The following FBXL19 variants were observed in gnomAD, a reference collection of about 807,000 sequenced individuals.
FBXL19 encodes F-box/LRR-repeat protein 19.
Under a neutral mutation model 71.2 loss-of-function variants are expected in FBXL19, and 16 were observed. That is an observed-to-expected ratio of 0.22 (90% CI 0.15 to 0.34). The LOEUF is 0.34. Ranked by LOEUF, FBXL19 falls within the 10% of genes least tolerant of loss-of-function variation. The probability of loss-of-function intolerance (pLI) is 1.00; values close to 1 mark genes in which losing one functional copy is unlikely to be tolerated. For synonymous variants in FBXL19, 447 were observed against 409.4 expected (o/e 1.09, Z -1.11); for missense variants, 658 against 968.2 (o/e 0.68, Z 4.25).
Position 30,947,775 on chromosome 16 carries a change from G to A in FBXL19, c.*545G>A, listed in dbSNP as rs1363870852. 1 of 411,368 alleles carries A rather than the reference G, an allele frequency of 2.4e-6. No individual in the cohort carries two copies. The highest frequency in any genetic ancestry group is 2.1e-5 in the African/African-American group (1 of 47,604). 25.5% of individuals were successfully genotyped at this position (411,368 alleles called of 1,614,324 possible). A position where few individuals can be genotyped will look rare whatever the true frequency, so the allele number is the denominator to read the frequency against. ...AGGGGCAAGCTGGGGCTGAGCTGGAGGTGGGGATGAGAGCAGGTGTGGGGA... is the reference window on the plus strand; with the variant it reads ...AGGGGCAAGCTGGGGCTGAGCTGGAAGTGGGGATGAGAGCAGGTGTGGGGA... On this transcript the variant is annotated 3_prime_UTR_variant, in exon 11 of 11. Transcript: ENST00000338343.
chr16:30,927,912 C>G lies in FBXL19; in HGVS notation c.576C>G (p.Pro192=), dbSNP rs199881118. Residue 192 remains proline, a synonymous_variant, in exon 5 of 11, where the codon CCC becomes CCG. Transcript: ENST00000338343. ...GPPPEDVPGP[P]KRKEREAGNE... The stretch of plus-strand genomic sequence containing the variant: ...CCCCGGAGGACGTGCCTGGGCCCCC[C>G]AAACGAAAGGAAAGGGAGGCAGGGA... The G allele has an allele frequency of 2.6e-6, 4 of 1,544,456 alleles. No homozygotes were observed. The highest frequency in any genetic ancestry group is 3.5e-6 in the Non-Finnish European group (4 of 1,153,052).
chr16:30,947,124 G>A lies in FBXL19; in HGVS notation c.1919G>A (p.Arg640His). ...CCTCGTCTACGCCGCCTAGACCTGC[G>A]CTCCTGCCGCCAGCTCTCACCCGAA... ...RCPRLRRLDLRSCRQLSPEAC... is the reference protein window; with the variant it reads ...RCPRLRRLDLHSCRQLSPEAC... The change falls in exon 11 of 11, where the codon CGC becomes CAC. Residue 640 changes from arginine (R) to histidine (H), a missense_variant. Arg to His is a conservative substitution (Grantham distance 29). Transcript: ENST00000338343. The A allele has an allele frequency of 6.3e-7, 1 of 1,599,450 alleles. No homozygotes were observed.
At chr16:30,932,573 G>C (rs575039254) in intron 7 of FBXL19, among the ~76,000 whole-genome samples, 1 of 152,296 alleles carries the variant, frequency 6.6e-6, no homozygotes, top group South Asian at 2.1e-4. Context: ...TGTGGAGAGC[G>C]ATACCTCTTG....
Position 30,930,210 on chromosome 16 carries a change from C to T in FBXL19, c.927C>T (p.Asp309=). The change falls in exon 7 of 11, where the codon GAC becomes GAT. Residue 309 remains aspartate (D), a synonymous_variant. Coordinates refer to ENST00000338343, the MANE Select transcript of FBXL19 (RefSeq NM_001382779.1). This position sits in a 1 kb window ranked among gnomAD's most constrained non-coding sequence, Gnocchi z 8.5. ...RVPDTSSSSS[D]SDSDSDSSGT... is the part of the protein sequence containing the mutation. The stretch of plus-strand genomic sequence containing the variant: ...CTGACACCTCCTCTTCCTCCTCGGA[C>T]TCAGACTCCGACTCCGACTCTTCGG... 6.2e-7 allele frequency: 1 copy of T among 1,613,176 alleles called. No individual in the cohort carries two copies. Among genetic ancestry groups the T allele is most frequent in the Non-Finnish European group, 8.5e-7 (1 of 1,179,892 alleles).
upstream of FBXL19, chr16:30,922,980 G>C (rs2055539679): frequency 6.7e-6 from 3 of 448,508 alleles, no homozygotes; most frequent in Non-Finnish European, 1.4e-5. Flanking sequence ...AGGAACACTG[G>C]AAGGCTATAA....
At chr16:30,928,747 G>A (rs1248911773) in intron 6 of FBXL19, 119 bp downstream of exon 6, 1 of 752,252 alleles carries the variant, frequency 1.3e-6, no homozygotes, top group African/African-American at 1.9e-5. Flanking sequence ...CTTGGCCACG[G>A]TGGGTGTCCG....
chr16:30,942,202 G>A lies in FBXL19; in HGVS notation c.1388G>A (p.Arg463His), dbSNP rs2055809976. 6.3e-7 allele frequency: 1 copy of A among 1,591,972 alleles called. No individual in the cohort carries two copies. Among genetic ancestry groups the A allele is most frequent in the Non-Finnish European group, 8.6e-7 (1 of 1,169,506 alleles). ...CCCATGCTCAGTGGTGTGGTTCGCC[G>A]CCAGCCCCGTGCCCTGGACCTCAGC... is the stretch of plus-strand genomic sequence containing the variant. ...TPPMLSGVVRRQPRALDLSWT... is the reference protein window; with the variant it reads ...TPPMLSGVVRHQPRALDLSWT... Residue 463 changes from arginine (R) to histidine (H), a missense_variant, in exon 8 of 11, where the codon CGC (arginine) becomes CAC (histidine). Coordinates refer to ENST00000338343, the MANE Select transcript of FBXL19 (RefSeq NM_001382779.1). The surrounding 1 kb of genome is among the most constrained non-coding windows in gnomAD (Gnocchi z 5.7).
chr16:30,931,112 C>A (rs1022046392), intron 7 of FBXL19, among the ~76,000 whole-genome samples: 6 of 152,140 alleles, frequency 3.9e-5, no homozygotes, highest in African/African-American at 1.4e-4. Flanking sequence ...TTCCTGCTTT[C>A]CTTCTGCCCT....
At chr16:30,941,885 C>T (rs1567341647) in intron 7 of FBXL19, among the ~76,000 whole-genome samples, 1 of 152,208 alleles carries the variant, frequency 6.6e-6, no homozygotes, top group South Asian at 2.1e-4. Flanking sequence ...ATAAACGAGG[C>T]TTCTGAGGCT....
At chr16:30,929,205 G>A (rs1227774965) in intron 6 of FBXL19, among the ~76,000 whole-genome samples, 5 of 152,180 alleles carry the variant, frequency 3.3e-5, no homozygotes, top group African/African-American at 1.2e-4. Flanking sequence ...TCCAAATCCT[G>A]CCTCTGCTGT....
chr16:30,928,995 C>T (rs1262298262), intron 6 of FBXL19, among the ~76,000 whole-genome samples: 1 of 152,204 alleles, frequency 6.6e-6, no homozygotes, highest in African/African-American at 2.4e-5. Context: ...CTGCTGCCTG[C>T]CTTGCCCCCT....
At chr16:30,928,068 G>C in intron 5 of FBXL19, 105 bp downstream of exon 5, 2 of 772,284 alleles carry the variant, frequency 2.6e-6, no homozygotes, top group South Asian at 2.0e-5. Flanking sequence ...TGCTCTGTGG[G>C]TTCCCCAAGG....
chr16:30,937,831 G>A (rs1043579516), intron 7 of FBXL19, among the ~76,000 whole-genome samples: 5 of 152,142 alleles, frequency 3.3e-5, no homozygotes, highest in African/African-American at 1.2e-4. Context: ...AGGGAAAGGG[G>A]CTTCCTTCCA....
chr16:30,932,332 T>TA (rs1308719420), intron 7 of FBXL19, among the ~76,000 whole-genome samples: 1 of 152,214 alleles, frequency 6.6e-6, no homozygotes, highest in Admixed American at 6.5e-5. Context: ...AGCAGATAGT[T>TA]ACAGAAGTTG....
At chr16:30,931,893 A>ATTT (rs34106190) in intron 7 of FBXL19, among the ~76,000 whole-genome samples, 3 of 132,254 alleles carry the variant, frequency 2.3e-5, no homozygotes, top group Non-Finnish European at 3.3e-5. Flanking sequence ...CACCCGGCTA[A>ATTT]TTTTTTTTTT....
intron 2 of FBXL19, among the ~76,000 whole-genome samples, chr16:30,926,857 C>T (rs1308394367): frequency 6.6e-6 from 1 of 152,082 alleles, no homozygotes; most frequent in Non-Finnish European, 1.5e-5. Context: ...TTGCCAAAAC[C>T]GGATTCATTG....
chr16:30,928,266 G>A (rs1038975897), intron 5 of FBXL19, among the ~76,000 whole-genome samples: 2 of 151,982 alleles, frequency 1.3e-5, no homozygotes, highest in African/African-American at 2.4e-5. Context: ...GCTGGAGAGG[G>A]CCTGAGGGGA....
intron 7 of FBXL19, among the ~76,000 whole-genome samples, chr16:30,939,237 A>T (rs1164113620): frequency 6.7e-6 from 1 of 149,038 alleles, no homozygotes; most frequent in African/African-American, 2.5e-5. Context: ...ACGCCCGGCT[A>T]ATTTTTTGTA....
At chr16:30,934,050 G>A (rs565632172) in intron 7 of FBXL19, among the ~76,000 whole-genome samples, 3 of 151,070 alleles carry the variant, frequency 2.0e-5, no homozygotes, top group Non-Finnish European at 4.4e-5. Flanking sequence ...ACCACGCCCG[G>A]TGTAAGGACT....
Sources: allele counts gnomAD v4.1 joint callset (sites outside exome capture counted in the v4.1 genomes callset), GRCh38; gene constraint gnomAD v4.1.1; non-coding constraint Gnocchi (gnomAD v3.1); transcripts MANE v1.5; gene names NCBI Gene and HGNC (gene_info 2026-07-23, HGNC 2026-07-21).